CDKAL1: variants seen among roughly 807,000 people sequenced by gnomAD.
CDKAL1 encodes threonylcarbamoyladenosine tRNA methylthiotransferase.
Under a neutral mutation model 68.2 loss-of-function variants are expected in CDKAL1, and 32 were observed. The observed-to-expected ratio is 0.47, with a 90% CI of 0.35 to 0.63. The LOEUF is 0.63. CDKAL1 is among the 30% of genes least tolerant of loss of function. CDKAL1 has a pLI of 0.00. For synonymous variants in CDKAL1, 234 were observed against 244.3 expected (o/e 0.96, Z 0.39); for missense variants, 606 against 696.7 (o/e 0.87, Z 1.47).
At chr6:20,955,634 C>T in intron 10 of CDKAL1, 49 bp downstream of exon 10, 1 of 1,540,044 alleles carries the variant, frequency 6.5e-7, no homozygotes. Flanking sequence ...CTAACCAGTC[C>T]AGACAGTGTG....
intron 8 of CDKAL1, among the ~76,000 whole-genome samples, chr6:20,814,839 A>G (rs969396201): frequency 3.9e-5 from 6 of 152,124 alleles, no homozygotes; most frequent in Admixed American, 3.3e-4. Context: ...AAGCTTGTTC[A>G]TCTTTCATAC....
At chr6:21,134,612 C>T (rs986749213) in intron 13 of CDKAL1, among the ~76,000 whole-genome samples, 1 of 152,066 alleles carries the variant, frequency 6.6e-6, no homozygotes, top group South Asian at 2.1e-4. Flanking sequence ...AGTAATCAGT[C>T]ATCGAATAAT....
intron 8 of CDKAL1, among the ~76,000 whole-genome samples, chr6:20,824,598 A>G (rs9460562): frequency 0.31 from 47,110 of 151,882 alleles, 7,552 homozygotes; most frequent in East Asian, 0.53. Context: ...AGGGCAGCCT[A>G]CAACATGGCA....
Position 20,624,519 on chromosome 6 carries a change from T to A in CDKAL1, c.287-24774T>A, listed in dbSNP as rs1195262320. Among the ~76,000 whole-genome samples the A allele has an allele frequency of 2.0e-5, 3 of 152,042 alleles. No homozygotes were observed. The East Asian group carries it at 5.8e-4, about 29-fold the overall frequency. Reference sequence around the variant, plus strand: ...ATACATGTGAAGGTCCTGCTTTTGATGTAATTGGGTCTCTGCTTCTCTTCA... The same window carrying A: ...ATACATGTGAAGGTCCTGCTTTTGAAGTAATTGGGTCTCTGCTTCTCTTCA... On this transcript the variant is annotated intron_variant, in intron 4 of 15. Transcript: ENST00000274695.
At chr6:21,132,989 G>A (rs1219259358) in intron 13 of CDKAL1, among the ~76,000 whole-genome samples, 1 of 152,068 alleles carries the variant, frequency 6.6e-6, no homozygotes, top group African/African-American at 2.4e-5. Context: ...TTTATGTAAA[G>A]CTATTAAAGG....
intron 12 of CDKAL1, among the ~76,000 whole-genome samples, chr6:21,102,221 T>G (rs914593687): frequency 6.6e-6 from 1 of 152,178 alleles, no homozygotes; most frequent in Non-Finnish European, 1.5e-5. Context: ...TGGAGTCAGT[T>G]CTTTTACCGT....
At chr6:20,980,899 ACC>A (rs779348364) in intron 10 of CDKAL1, among the ~76,000 whole-genome samples, 2 of 152,222 alleles carry the variant, frequency 1.3e-5, no homozygotes, top group Non-Finnish European at 2.9e-5. Flanking sequence ...AGGTCTACCT[ACC>A]CTTTGCCCAT....
intron 11 of CDKAL1, among the ~76,000 whole-genome samples, chr6:21,014,815 T>C (rs1171348480): frequency 1.3e-5 from 2 of 152,222 alleles, no homozygotes; most frequent in Non-Finnish European, 2.9e-5. Flanking sequence ...CCTATTTTAA[T>C]CTCACAAATT....
chr6:20,627,841 G>T (rs933763922), intron 4 of CDKAL1, among the ~76,000 whole-genome samples: 4 of 151,972 alleles, frequency 2.6e-5, no homozygotes, highest in Non-Finnish European at 5.9e-5. Flanking sequence ...ATTTTCTTTG[G>T]CACAAAGAAG....
At chr6:20,646,950 G>T (rs1222705392) in intron 4 of CDKAL1, among the ~76,000 whole-genome samples, 5 of 152,070 alleles carry the variant, frequency 3.3e-5, no homozygotes, top group Non-Finnish European at 5.9e-5. Context: ...TCATCATGTT[G>T]GCCAGGCTGG....
At chr6:20,535,171 G>C (rs1182518118) in intron 1 of CDKAL1, 180 bp from the exon 2 acceptor site, 1 of 152,266 alleles carries the variant, frequency 6.6e-6, no homozygotes, top group Non-Finnish European at 1.5e-5. Context: ...TCACCGTCAC[G>C]GCAGATGTCA....
chr6:20,907,940 A>C (rs1276917900), intron 9 of CDKAL1, among the ~76,000 whole-genome samples: 1 of 152,204 alleles, frequency 6.6e-6, no homozygotes, highest in East Asian at 1.9e-4. Context: ...GAGAAGAGTA[A>C]GGATGAGCTG....
intron 9 of CDKAL1, among the ~76,000 whole-genome samples, chr6:20,891,035 C>T (rs1448633580): frequency 6.6e-6 from 1 of 152,098 alleles, no homozygotes; most frequent in East Asian, 1.9e-4. Flanking sequence ...AAATAATTTG[C>T]ACCTCCCCTT....
chr6:20,655,229 T>G (rs1333394389), intron 5 of CDKAL1, among the ~76,000 whole-genome samples: 1 of 152,208 alleles, frequency 6.6e-6, no homozygotes, highest in Non-Finnish European at 1.5e-5. Flanking sequence ...ATTTTTTGTT[T>G]TCTGTTTTTA....
chr6:20,616,364 C>A (rs1189740625), intron 4 of CDKAL1, among the ~76,000 whole-genome samples: 1 of 146,126 alleles, frequency 6.8e-6, no homozygotes, highest in Non-Finnish European at 1.5e-5. Context: ...CTGTAAATTA[C>A]CTTGGGCAGT....
chr6:21,078,329 G>T (rs1279558788), intron 12 of CDKAL1, among the ~76,000 whole-genome samples: 2 of 152,114 alleles, frequency 1.3e-5, no homozygotes, highest in Non-Finnish European at 2.9e-5. Context: ...TCCTAGATCT[G>T]TGAACAGTTA....
chr6:20,698,713 T>G (rs1723531250), intron 5 of CDKAL1, among the ~76,000 whole-genome samples: 1 of 152,180 alleles, frequency 6.6e-6, no homozygotes, highest in African/African-American at 2.4e-5. Context: ...TTATTTTTAA[T>G]ATTTCAGTAT....
chr6:20,980,371 G>T (rs2150772759), intron 10 of CDKAL1, among the ~76,000 whole-genome samples: 1 of 152,078 alleles, frequency 6.6e-6, no homozygotes. Context: ...CAGAGTAGCT[G>T]AGACTACAGG....
At chr6:20,626,761 T>C (rs1767449673) in intron 4 of CDKAL1, among the ~76,000 whole-genome samples, 1 of 152,206 alleles carries the variant, frequency 6.6e-6, no homozygotes, top group South Asian at 2.1e-4. Context: ...TGGCTGCTTC[T>C]GCTGTAGGCA....
Sources: allele counts gnomAD v4.1 joint callset (sites outside exome capture counted in the v4.1 genomes callset), GRCh38; gene constraint gnomAD v4.1.1; transcripts MANE v1.5; gene names NCBI Gene and HGNC (gene_info 2026-07-23, HGNC 2026-07-21).